The following ROBO1 variants were observed in gnomAD, a reference collection of about 807,000 sequenced individuals.
ROBO1 encodes the protein roundabout homolog 1.
Under a neutral mutation model 195.9 loss-of-function variants are expected in ROBO1, and 149 were observed. The ratio of observed to expected loss-of-function variants is 0.76; its 90% confidence interval spans 0.67 to 0.87. ROBO1 has a LOEUF of 0.87. ROBO1 is among the 40% of genes least tolerant of loss of function. The pLI is 0.00. For synonymous variants in ROBO1, 816 were observed against 733.2 expected (o/e 1.11, Z -1.82); for missense variants, 1,933 against 2,068.3 (o/e 0.93, Z 1.27).
At chr3:79,346,230 C>T (rs2035113405) in intron 2 of ROBO1, among the ~76,000 whole-genome samples, 1 of 152,016 alleles carries the variant, frequency 6.6e-6, no homozygotes, top group Non-Finnish European at 1.5e-5. Flanking sequence ...TACACTTCTA[C>T]AAAATAGGGC....
At chr3:79,485,347 G>T (rs1050552195) in intron 2 of ROBO1, among the ~76,000 whole-genome samples, 1 of 151,514 alleles carries the variant, frequency 6.6e-6, no homozygotes, top group Non-Finnish European at 1.5e-5. Flanking sequence ...AGTCTAAGTT[G>T]GTGATATTTA....
chr3:79,160,280 C>A (rs915787734), intron 2 of ROBO1, among the ~76,000 whole-genome samples: 1 of 150,412 alleles, frequency 6.6e-6, no homozygotes, highest in African/African-American at 2.5e-5. Flanking sequence ...GACTATCAAA[C>A]AAACTTTTTT....
intron 3 of ROBO1, among the ~76,000 whole-genome samples, chr3:79,003,616 C>T (rs1342325747): frequency 1.3e-5 from 2 of 152,186 alleles, no homozygotes; most frequent in South Asian, 4.1e-4. Context: ...AAAGAAAGCA[C>T]ACAAAGAAAT....
intron 3 of ROBO1, among the ~76,000 whole-genome samples, chr3:79,109,690 GAACT>G: frequency 6.6e-6 from 1 of 151,910 alleles, no homozygotes; most frequent in Non-Finnish European, 1.5e-5. Context: ...CATTTTATTA[GAACT>G]AACCGAATAG....
chr3:79,173,169 C>T (rs114138991), intron 2 of ROBO1, among the ~76,000 whole-genome samples: 13,392 of 151,936 alleles, frequency 0.088, 1,011 homozygotes, highest in African/African-American at 0.2. Context: ...GAGGTGACAG[C>T]GTGCTGGCAG....
chr3:78,951,331 T>C (rs867520571), intron 3 of ROBO1, among the ~76,000 whole-genome samples: 2 of 151,986 alleles, frequency 1.3e-5, no homozygotes, highest in Non-Finnish European at 2.9e-5. Flanking sequence ...ATAAAAAGCT[T>C]TCTCTCTTCA....
At chr3:79,270,703 C>T (rs2030470221) in intron 2 of ROBO1, among the ~76,000 whole-genome samples, 1 of 151,818 alleles carries the variant, frequency 6.6e-6, no homozygotes, top group Admixed American at 6.6e-5. Context: ...TCATATTCAG[C>T]TCTAGGGCTG....
intron 1 of ROBO1, among the ~76,000 whole-genome samples, chr3:79,687,919 A>G (rs1374147657): frequency 6.6e-6 from 1 of 152,120 alleles, no homozygotes; most frequent in Non-Finnish European, 1.5e-5. Flanking sequence ...ACATACGCAC[A>G]TGTATGTTTC....
intron 5 of ROBO1, among the ~76,000 whole-genome samples, chr3:78,731,614 T>C (rs1423137439): frequency 6.6e-6 from 1 of 152,172 alleles, no homozygotes; most frequent in African/African-American, 2.4e-5. Context: ...ATTCTTATGA[T>C]TTCAGTCATC....
intron 4 of ROBO1, among the ~76,000 whole-genome samples, chr3:78,748,995 A>C (rs987481083): frequency 6.6e-6 from 1 of 152,166 alleles, no homozygotes; most frequent in South Asian, 2.1e-4. Flanking sequence ...ACCACATAAT[A>C]AAAGAACAGA....
chr3:79,259,670 T>C (rs921003511), intron 2 of ROBO1, among the ~76,000 whole-genome samples: 3 of 151,988 alleles, frequency 2.0e-5, no homozygotes, highest in Admixed American at 1.3e-4. Context: ...AAACTACCCA[T>C]CTGACAAGAG....
chr3:79,198,413 C>T (rs2081686586), intron 2 of ROBO1, among the ~76,000 whole-genome samples: 2 of 151,984 alleles, frequency 1.3e-5, no homozygotes, highest in African/African-American at 4.8e-5. Context: ...GTTTTGGTAC[C>T]AGTACCATGA....
chr3:79,080,562 AGCATAAAAAT>A (rs749860366), intron 3 of ROBO1, among the ~76,000 whole-genome samples: 1 of 152,110 alleles, frequency 6.6e-6, no homozygotes, highest in African/African-American at 2.4e-5. Flanking sequence ...CTAAAGTTTA[AGCATAAAAAT>A]GCATAAAAAT....
intron 4 of ROBO1, among the ~76,000 whole-genome samples, chr3:78,868,785 T>A (rs952976011): frequency 6.6e-5 from 10 of 152,136 alleles, no homozygotes; most frequent in African/African-American, 2.4e-4. Flanking sequence ...CATATAATTA[T>A]CCATTCTCAG....
intron 2 of ROBO1, among the ~76,000 whole-genome samples, chr3:79,217,658 A>C (rs1432203784): frequency 6.6e-6 from 1 of 152,010 alleles, no homozygotes; most frequent in African/African-American, 2.4e-5. Flanking sequence ...ACTATTGTAG[A>C]AGTAGCAACA....
chr3:79,376,237 A>G (rs1436137176), intron 2 of ROBO1, among the ~76,000 whole-genome samples: 1 of 152,184 alleles, frequency 6.6e-6, no homozygotes, highest in Non-Finnish European at 1.5e-5. Context: ...ACTTTATGAC[A>G]CTACTCACAT....
At chr3:78,964,567 A>C (rs2107862168) in intron 3 of ROBO1, among the ~76,000 whole-genome samples, 1 of 152,316 alleles carries the variant, frequency 6.6e-6, no homozygotes, top group East Asian at 1.9e-4. Context: ...TTTCAGAAGT[A>C]CAGTGACATG....
chr3:78,960,955 C>T (rs79479437), intron 3 of ROBO1, among the ~76,000 whole-genome samples: 3,327 of 152,088 alleles, frequency 0.022, 121 homozygotes, highest in African/African-American at 0.073. Context: ...TTTTCTGTTT[C>T]GCATCACCCT....
intron 2 of ROBO1, among the ~76,000 whole-genome samples, chr3:79,308,316 TA>T (rs2033318470): frequency 6.6e-6 from 1 of 152,168 alleles, no homozygotes; most frequent in South Asian, 2.1e-4. Flanking sequence ...TAAAAATACG[TA>T]GGGACTTCTA....
Sources: allele counts gnomAD v4.1 joint callset (sites outside exome capture counted in the v4.1 genomes callset), GRCh38; gene constraint gnomAD v4.1.1; transcripts MANE v1.5; gene names NCBI Gene and HGNC (gene_info 2026-07-23, HGNC 2026-07-21).